Variants in COL4A2 observed in about 807,000 individuals in gnomAD.
The protein encoded by COL4A2 is collagen type IV alpha 2 chain.
COL4A2 carries 99 observed loss-of-function variants against 200.2 expected under a neutral mutation model. The ratio of observed to expected loss-of-function variants is 0.49; its 90% confidence interval spans 0.42 to 0.58. The LOEUF (loss-of-function observed/expected upper bound fraction) is 0.58. Among genes scored for constraint, COL4A2 ranks in the 20% least tolerant of loss-of-function variants. COL4A2 has a pLI of 0.00. For missense variants in COL4A2, 1,950 were observed against 2,314.1 expected (o/e 0.84, Z 3.23); for synonymous variants, 897 against 900.6 (o/e 1.00, Z 0.07).
At chr13:110,504,286 C>A (rs756717872) in intron 45 of COL4A2, 22 bp downstream of exon 45, 2 of 1,575,976 alleles carry the variant, frequency 1.3e-6, no homozygotes, top group African/African-American at 1.3e-5. Context: ...TGGGGAAGGA[C>A]CTTCCCAGGT....
chr13:110,327,653 T>C (rs1875690397), intron 3 of COL4A2, among the ~76,000 whole-genome samples: 1 of 152,186 alleles, frequency 6.6e-6, no homozygotes, highest in African/African-American at 2.4e-5. Context: ...AGTAGTCAGC[T>C]TGTGTTGTTT....
intron 12 of COL4A2, 186 bp from the exon 13 acceptor site, chr13:110,436,083 G>T: frequency 1.2e-6 from 1 of 839,502 alleles, no homozygotes; most frequent in South Asian, 1.5e-5. Context: ...GCTAATGAAA[G>T]GAGGATATAA....
intron 4 of COL4A2, among the ~76,000 whole-genome samples, chr13:110,359,123 A>G (rs1222132513): frequency 1.3e-5 from 2 of 152,130 alleles, no homozygotes; most frequent in African/African-American, 4.8e-5. Context: ...GAAAATATTT[A>G]CTCCCTGAAT....
rs140883685 is a variant in COL4A2, at chr13:110,501,778, C to T, written c.3871C>T (p.Leu1291=). 2.7e-4 allele frequency: 441 copies of T among 1,613,356 alleles called. 1 individual carries two copies. The African/African-American group carries it at 5.1e-3, about 19-fold the overall frequency. The change falls in exon 41 of 48, where the codon CTG becomes TTG. Residue 1291 remains leucine, a synonymous_variant. Transcript: ENST00000360467. ...GDKGAPGIFG[L]KGYRGPPGPP... ...CAAAGGGGCGCCAGGGATATTTGGC[C>T]TGAAAGGTAAGCAGGACTTATACAT...
At chr13:110,317,246 G>A (rs1290466089) in intron 3 of COL4A2, among the ~76,000 whole-genome samples, 3 of 148,098 alleles carry the variant, frequency 2.0e-5, no homozygotes, top group African/African-American at 7.5e-5. Flanking sequence ...TGTACATATA[G>A]ACACACTTGC....
chr13:110,325,840 G>C (rs1300062117), intron 3 of COL4A2, among the ~76,000 whole-genome samples: 2 of 151,518 alleles, frequency 1.3e-5, no homozygotes, highest in Non-Finnish European at 2.9e-5. Flanking sequence ...CTGGAGTGCA[G>C]TGTTGAGATC....
chr13:110,446,003 A>C (rs535884325), intron 17 of COL4A2, 121 bp downstream of exon 17: 3 of 1,006,580 alleles, frequency 3.0e-6, no homozygotes, highest in Non-Finnish European at 1.6e-6. Context: ...AAGATCCCCA[A>C]ATACACGGCC....
intron 3 of COL4A2, among the ~76,000 whole-genome samples, chr13:110,357,248 G>A (rs887455566): frequency 6.6e-6 from 1 of 152,050 alleles, no homozygotes; most frequent in Non-Finnish European, 1.5e-5. Context: ...TTCAGGGGTG[G>A]GAGAGACAGG....
At chr13:110,493,326 G>A (rs747468446) in intron 39 of COL4A2, 44 bp downstream of exon 39, 16 of 1,595,594 alleles carry the variant, frequency 1.0e-5, no homozygotes, top group Middle Eastern at 1.7e-4. Context: ...CAGAGGTGTC[G>A]AGGGTGGGGA....
intron 3 of COL4A2, among the ~76,000 whole-genome samples, chr13:110,312,306 G>T (rs548564376): frequency 3.1e-4 from 47 of 152,286 alleles, no homozygotes; most frequent in African/African-American, 1.1e-3. Flanking sequence ...ACCGAAAAGC[G>T]CAGGAGAGGA....
chr13:110,415,674 A>G (rs760341340), intron 4 of COL4A2, among the ~76,000 whole-genome samples: 2 of 152,230 alleles, frequency 1.3e-5, no homozygotes, highest in Non-Finnish European at 2.9e-5. Context: ...CAAAATAGAT[A>G]TAACTCTTGG....
intron 3 of COL4A2, among the ~76,000 whole-genome samples, chr13:110,318,625 G>A (rs116878976): frequency 0.016 from 2,472 of 152,322 alleles, 36 homozygotes; most frequent in Middle Eastern, 0.027. Flanking sequence ...GGTGATGTTG[G>A]TGCGAGTATT....
chr13:110,309,635 T>C (rs1296468275), intron 3 of COL4A2, among the ~76,000 whole-genome samples: 1 of 152,182 alleles, frequency 6.6e-6, no homozygotes, highest in African/African-American at 2.4e-5. Flanking sequence ...GTCCCAGGTA[T>C]TCTTTTCTGA....
chr13:110,348,947 G>C (rs1321854061), intron 3 of COL4A2, among the ~76,000 whole-genome samples: 1 of 152,158 alleles, frequency 6.6e-6, no homozygotes, highest in East Asian at 1.9e-4. Flanking sequence ...TGGGACAGAT[G>C]AGTTTTGTTC....
At chr13:110,481,622 G>A (rs866204312) in intron 31 of COL4A2, among the ~76,000 whole-genome samples, 2,848 of 15,092 alleles carry the variant, frequency 0.19, 166 homozygotes, top group African/African-American at 0.21. Context: ...CTGTCCCTCC[G>A]TTGCTGGAGA....
chr13:110,411,527 C>G (rs1879836661), intron 4 of COL4A2, among the ~76,000 whole-genome samples: 3 of 152,146 alleles, frequency 2.0e-5, no homozygotes, highest in Admixed American at 2.0e-4. Context: ...ACCCATCACT[C>G]TTTAGCAGGG....
At chr13:110,444,322 C>T (rs1318942800) in intron 16 of COL4A2, among the ~76,000 whole-genome samples, 1 of 152,206 alleles carries the variant, frequency 6.6e-6, no homozygotes, top group Non-Finnish European at 1.5e-5. Context: ...TTGACAAATT[C>T]CAGGGCACCC....
At chr13:110,461,930 G>A (rs1324013195) in intron 22 of COL4A2, 184 bp from the exon 23 acceptor site, 3 of 783,838 alleles carry the variant, frequency 3.8e-6, no homozygotes, top group Non-Finnish European at 6.0e-6. Flanking sequence ...GTGGCCAGTG[G>A]CCCCACACTG....
intron 30 of COL4A2, among the ~76,000 whole-genome samples, chr13:110,479,562 C>T (rs1279507180): frequency 1.3e-5 from 2 of 152,140 alleles, no homozygotes; most frequent in Non-Finnish European, 2.9e-5. Context: ...AAGATTGAGC[C>T]AAAGGTTGGG....
Sources: allele counts gnomAD v4.1 joint callset (sites outside exome capture counted in the v4.1 genomes callset), GRCh38; gene constraint gnomAD v4.1.1; transcripts MANE v1.5; gene names NCBI Gene and HGNC (gene_info 2026-07-23, HGNC 2026-07-21).